Variants in LRRTM4 observed in about 807,000 individuals in gnomAD.
LRRTM4 encodes leucine-rich repeat transmembrane neuronal protein 4.
A neutral mutation model predicts 47.6 loss-of-function variants in LRRTM4; 25 were observed. That is an observed-to-expected ratio of 0.53 (90% CI 0.38 to 0.73). The LOEUF (loss-of-function observed/expected upper bound fraction) is 0.73. Among genes scored for constraint, LRRTM4 ranks in the 30% least tolerant of loss-of-function variants. LRRTM4 has a pLI of 0.00. For synonymous variants in LRRTM4, 311 were observed against 269.5 expected, an observed-to-expected ratio of 1.15 and a Z score of -1.51; for missense variants, 638 against 713.4, an observed-to-expected ratio of 0.89 and a Z score of 1.20.
chr2:77,039,938 A>G (rs1678968528), intron 3 of LRRTM4, among the ~76,000 whole-genome samples: 1 of 151,000 alleles, frequency 6.6e-6, no homozygotes, highest in Non-Finnish European at 1.5e-5. Flanking sequence ...TAAAATAATT[A>G]TTTTCTTAGC....
At chr2:77,211,979 A>G (rs897895321) in intron 3 of LRRTM4, among the ~76,000 whole-genome samples, 3 of 152,114 alleles carry the variant, frequency 2.0e-5, no homozygotes, top group Non-Finnish European at 4.4e-5. Flanking sequence ...ATTAAAAACA[A>G]TGAGTAATAT....
chr2:77,195,190 T>G (rs1207463749), intron 3 of LRRTM4, among the ~76,000 whole-genome samples: 3 of 151,828 alleles, frequency 2.0e-5, no homozygotes, highest in African/African-American at 7.2e-5. Context: ...ATTTAAGAGG[T>G]TGATTGGTGA....
intron 3 of LRRTM4, among the ~76,000 whole-genome samples, chr2:77,358,842 G>C (rs980130697): frequency 6.6e-6 from 1 of 152,040 alleles, no homozygotes; most frequent in African/African-American, 2.4e-5. Context: ...CTTTATATTA[G>C]GGCTTAGGGC....
At chr2:77,069,118 G>T (rs1019607162) in intron 3 of LRRTM4, among the ~76,000 whole-genome samples, 1 of 152,044 alleles carries the variant, frequency 6.6e-6, no homozygotes, top group African/African-American at 2.4e-5. Context: ...TCTATTCGAG[G>T]CTTTCAACTC....
intron 3 of LRRTM4, among the ~76,000 whole-genome samples, chr2:77,420,898 C>T (rs2103881017): frequency 6.9e-6 from 1 of 145,000 alleles, no homozygotes; most frequent in East Asian, 2.0e-4. Context: ...ATATATTAGC[C>T]TTAAGACTAA....
At chr2:77,225,358 TATAATA>T (rs999227225) in intron 3 of LRRTM4, among the ~76,000 whole-genome samples, 7 of 148,498 alleles carry the variant, frequency 4.7e-5, no homozygotes, top group Admixed American at 3.4e-4. Context: ...AAACTTAAAG[TATAATA>T]ATAATAAAAT....
In LRRTM4 at chr2:77,392,691, G is replaced by A. The variant is rs117803613; in HGVS notation, c.1551+125627C>T. ...AAGTTTGAGCTCATAGAAACAGAGA[G>A]TAAAATATTGGTTACCAGAGGCTGT... On this transcript the variant is annotated intron_variant, in intron 3 of 3. Coordinates refer to ENST00000409884, the MANE Select transcript of LRRTM4 (RefSeq NM_001134745.3). Among the ~76,000 whole-genome samples the A allele has an allele frequency of 4.4e-4, 67 of 152,066 alleles. No individual in the cohort carries two copies. In the East Asian group the frequency reaches 0.011, roughly 26 times the overall value.
At position 77,028,568 on chromosome 2, in the gene LRRTM4, A is replaced by G. The variant is rs114362222; in HGVS notation, c.1552-279652T>C. On this transcript the variant is annotated intron_variant, in intron 3 of 3. Transcript: ENST00000409884. ...TATACTGTCAATAATTATACCTATA[A>G]TTTCAACAAGAATAAGGTAAATATT... Among the ~76,000 whole-genome samples, 914 of 152,262 alleles carry G rather than the reference A, an allele frequency of 6.0e-3. 10 individuals are homozygous for G. The highest frequency in any genetic ancestry group is 0.021 in the African/African-American group (877 of 41,552).
rs185049720 is a variant in LRRTM4, at chr2:77,287,164, G to A, written c.1551+231154C>T. On this transcript the variant is annotated intron_variant, in intron 3 of 3. Transcript: ENST00000409884. ...GCAGCATCTCTGCATAGGTAAGCCC[G>A]TGTAGGTTACTGAGGAGACAAGCAG... 1.3e-3 allele frequency among the ~76,000 whole-genome samples: 194 copies of A among 152,078 alleles called. 1 individual carries two copies. Among genetic ancestry groups the A allele is most frequent in the African/African-American group, 4.3e-3 (179 of 41,482 alleles).
chr2:76,778,836 C>A (rs1221238955), intron 3 of LRRTM4, among the ~76,000 whole-genome samples: 1 of 151,086 alleles, frequency 6.6e-6, no homozygotes, highest in Non-Finnish European at 1.5e-5. Flanking sequence ...TTTTCTAGTT[C>A]TTTTAATTGT....
intron 3 of LRRTM4, among the ~76,000 whole-genome samples, chr2:76,908,024 G>C (rs542416424): frequency 6.6e-6 from 1 of 151,806 alleles, no homozygotes; most frequent in South Asian, 2.1e-4. Flanking sequence ...ACCAAAGCTG[G>C]GCAGAGACAC....
chr2:77,064,657 C>T (rs1679896316), intron 3 of LRRTM4, among the ~76,000 whole-genome samples: 1 of 152,182 alleles, frequency 6.6e-6, no homozygotes, highest in African/African-American at 2.4e-5. Context: ...AGTGTATCAT[C>T]AATCATCACC....
intron 3 of LRRTM4, among the ~76,000 whole-genome samples, chr2:77,003,878 A>G (rs998097356): frequency 6.6e-6 from 1 of 152,182 alleles, no homozygotes; most frequent in Non-Finnish European, 1.5e-5. Context: ...CAAAAAGCTA[A>G]TAGTGTTATG....
chr2:77,288,946 G>C (rs1401333784), intron 3 of LRRTM4, among the ~76,000 whole-genome samples: 1 of 152,002 alleles, frequency 6.6e-6, no homozygotes, highest in Non-Finnish European at 1.5e-5. Context: ...AAATTCATCA[G>C]TTAATGCACC....
chr2:77,261,592 T>C (rs1182529273), intron 3 of LRRTM4, among the ~76,000 whole-genome samples: 1 of 152,050 alleles, frequency 6.6e-6, no homozygotes, highest in East Asian at 1.9e-4. Context: ...TTGCTAAACC[T>C]AGCCTTTCCT....
chr2:77,285,495 A>G (rs1048886798), intron 3 of LRRTM4, among the ~76,000 whole-genome samples: 1 of 151,816 alleles, frequency 6.6e-6, no homozygotes, highest in African/African-American at 2.4e-5. Flanking sequence ...TAATCCCAGC[A>G]CTTTGGGAGA....
chr2:77,069,893 C>A (rs541113216), intron 3 of LRRTM4, among the ~76,000 whole-genome samples: 10 of 152,244 alleles, frequency 6.6e-5, no homozygotes, highest in South Asian at 6.2e-4. Flanking sequence ...CTATCTGTTG[C>A]CTCAGGCAGC....
At position 77,355,649 on chromosome 2, in the gene LRRTM4, T is replaced by A. The variant is rs909720875; in HGVS notation, c.1551+162669A>T. Among the ~76,000 whole-genome samples the A allele has an allele frequency of 9.2e-5, 14 of 152,228 alleles. No individual in the cohort carries two copies. In the South Asian group the frequency reaches 2.9e-3, roughly 32 times the overall value. On this transcript the variant is annotated intron_variant, in intron 3 of 3. Transcript: ENST00000409884. ...GCTAAAAAGAGAAAAATCACACCCT[T>A]GTGATTGGGAAAGATACTTTGAAGG... is the stretch of plus-strand genomic sequence containing the variant.
intron 3 of LRRTM4, among the ~76,000 whole-genome samples, chr2:77,309,558 A>C (rs1452314780): frequency 6.6e-6 from 1 of 152,124 alleles, no homozygotes; most frequent in East Asian, 1.9e-4. Context: ...CTGTAAGTCC[A>C]ATCAGGTTGG....
Sources: gnomAD v4.1 joint callset for allele counts (sites outside exome capture counted in the v4.1 genomes callset) on GRCh38, gnomAD v4.1.1 for gene constraint, MANE v1.5 for transcripts, NCBI Gene and HGNC (gene_info 2026-07-23, HGNC 2026-07-21) for gene names.